SCLT1: variants seen among roughly 807,000 people sequenced by gnomAD.
SCLT1 encodes sodium channel and clathrin linker 1.
SCLT1 carries 78 observed loss-of-function variants against 112.8 expected under a neutral mutation model. The observed-to-expected ratio is 0.69, with a 90% CI of 0.58 to 0.83. The LOEUF (loss-of-function observed/expected upper bound fraction) is 0.83, where lower values mean the gene tolerates loss of function less well. SCLT1 is among the 40% of genes least tolerant of loss of function. The pLI is 0.00. For synonymous variants in SCLT1, 257 were observed against 254.7 expected (o/e 1.01, Z -0.09); for missense variants, 747 against 770.4 (o/e 0.97, Z 0.36).
chr4:128,914,093 C>T (rs754765885), intron 18 of SCLT1, among the ~76,000 whole-genome samples: 8 of 152,198 alleles, frequency 5.3e-5, no homozygotes, highest in Middle Eastern at 3.4e-3. Flanking sequence ...TTGCCGGGCG[C>T]GGTGGCTCAC....
At chr4:129,012,101 G>C (rs933052522) in intron 5 of SCLT1, among the ~76,000 whole-genome samples, 5 of 152,060 alleles carry the variant, frequency 3.3e-5, no homozygotes, top group Admixed American at 2.6e-4. Flanking sequence ...TCTTGGTTCT[G>C]TAGTTCTTTT....
intron 10 of SCLT1, among the ~76,000 whole-genome samples, chr4:128,967,477 TG>T (rs1740307574): frequency 6.6e-6 from 1 of 152,234 alleles, no homozygotes; most frequent in South Asian, 2.1e-4. Flanking sequence ...CCACCAGCAG[TG>T]GATAAACATT....
chr4:128,895,614 GC>G (rs1733679955), intron 18 of SCLT1, among the ~76,000 whole-genome samples: 1 of 152,156 alleles, frequency 6.6e-6, no homozygotes, highest in Admixed American at 6.5e-5. Flanking sequence ...CATGAGCAAC[GC>G]AGAAGATGGG....
chr4:129,007,301 T>C (rs1744114620), intron 5 of SCLT1, among the ~76,000 whole-genome samples: 1 of 152,170 alleles, frequency 6.6e-6, no homozygotes, highest in African/African-American at 2.4e-5. Context: ...CTTACTGTTT[T>C]TTTTTCTGGT....
intron 2 of SCLT1, among the ~76,000 whole-genome samples, chr4:129,067,613 T>C (rs1016497928): frequency 4.6e-5 from 7 of 152,020 alleles, no homozygotes; most frequent in Non-Finnish European, 1.0e-4. Flanking sequence ...CTGGTTCAAG[T>C]GATTCTCCTG....
chr4:129,058,658 T>C (rs556010016), intron 2 of SCLT1, among the ~76,000 whole-genome samples: 1 of 152,294 alleles, frequency 6.6e-6, no homozygotes, highest in South Asian at 2.1e-4. Flanking sequence ...ATGTTCCATG[T>C]GTTGATGAAA....
chr4:129,021,243 T>A (rs566518149), intron 5 of SCLT1, among the ~76,000 whole-genome samples: 1 of 152,052 alleles, frequency 6.6e-6, no homozygotes, highest in Non-Finnish European at 1.5e-5. Context: ...ATCAGGAGAT[T>A]CCCCCGTGTG....
At chr4:129,073,313 C>T (rs749841497) in intron 2 of SCLT1, among the ~76,000 whole-genome samples, 44 of 152,148 alleles carry the variant, frequency 2.9e-4, no homozygotes, top group Non-Finnish European at 4.9e-4. Flanking sequence ...CCTCTGCATG[C>T]TACTCTGTCC....
chr4:129,028,761 T>C (rs917009806), intron 5 of SCLT1, among the ~76,000 whole-genome samples: 2 of 151,428 alleles, frequency 1.3e-5, no homozygotes, highest in African/African-American at 4.9e-5. Flanking sequence ...AGGGAGAAAA[T>C]TGTTGCAACC....
chr4:128,891,723 C>T (rs913467422), intron 18 of SCLT1, among the ~76,000 whole-genome samples: 3 of 148,742 alleles, frequency 2.0e-5, no homozygotes, highest in African/African-American at 7.5e-5. Flanking sequence ...TGGCTCACTG[C>T]AACCTCTGCC....
chr4:128,912,752 T>C (rs1735201898), intron 18 of SCLT1, among the ~76,000 whole-genome samples: 1 of 151,898 alleles, frequency 6.6e-6, no homozygotes, highest in Admixed American at 6.6e-5. Flanking sequence ...TCTTTGTATA[T>C]ATATATAAAT....
intron 18 of SCLT1, among the ~76,000 whole-genome samples, chr4:128,916,690 G>T (rs191042477): frequency 6.6e-6 from 1 of 152,196 alleles, no homozygotes; most frequent in East Asian, 1.9e-4. Context: ...TTCATCTACC[G>T]TTTCAACACA....
At chr4:128,998,155 CTGTT>C (rs1579640805) in intron 7 of SCLT1, among the ~76,000 whole-genome samples, 1 of 151,602 alleles carries the variant, frequency 6.6e-6, no homozygotes, top group African/African-American at 2.4e-5. Context: ...ATTAATGTGG[CTGTT>C]TATTTTATGT....
intron 2 of SCLT1, among the ~76,000 whole-genome samples, chr4:129,074,751 G>C (rs1267337808): frequency 1.3e-5 from 2 of 151,852 alleles, no homozygotes; most frequent in East Asian, 3.9e-4. Context: ...ACCCAAACTG[G>C]AGTGCAATGG....
At chr4:129,003,391 C>A (rs532117483) in intron 6 of SCLT1, among the ~76,000 whole-genome samples, 1 of 148,472 alleles carries the variant, frequency 6.7e-6, no homozygotes, top group Non-Finnish European at 1.5e-5. Flanking sequence ...ATATAACAAA[C>A]CTGCACGTTC....
At chr4:129,065,286 T>C (rs916679248) in intron 2 of SCLT1, among the ~76,000 whole-genome samples, 3 of 152,068 alleles carry the variant, frequency 2.0e-5, no homozygotes, top group Non-Finnish European at 2.9e-5. Context: ...AATATTTTCA[T>C]GGTGTAACTT....
At chr4:129,054,779 T>C (rs996505219) in intron 2 of SCLT1, among the ~76,000 whole-genome samples, 8 of 152,142 alleles carry the variant, frequency 5.3e-5, no homozygotes, top group Admixed American at 1.3e-4. Flanking sequence ...CTCTGTCCAG[T>C]TCTCTGCCCT....
At chr4:128,886,397 T>C (rs1264774089) in intron 20 of SCLT1, among the ~76,000 whole-genome samples, 3 of 152,232 alleles carry the variant, frequency 2.0e-5, no homozygotes, top group African/African-American at 7.2e-5. Flanking sequence ...ATTTTGTTAA[T>C]ATGCATTTAG....
chr4:128,912,644 A>C (rs1347755532), intron 18 of SCLT1, among the ~76,000 whole-genome samples: 2 of 152,024 alleles, frequency 1.3e-5, no homozygotes, highest in Non-Finnish European at 2.9e-5. Context: ...CTTTTTGTGC[A>C]AGTAAAAGTA....
Sources: allele counts gnomAD v4.1 joint callset (sites outside exome capture counted in the v4.1 genomes callset), GRCh38; gene constraint gnomAD v4.1.1; transcripts MANE v1.5; gene names NCBI Gene and HGNC (gene_info 2026-07-23, HGNC 2026-07-21).